Variants in MAPK10 observed in about 807,000 individuals in gnomAD.
MAPK10 encodes the protein mitogen-activated protein kinase 10, also known as JNK3 alpha protein kinase.
In MAPK10, 25 loss-of-function variants were observed where a neutral mutation model predicts 59.3. That is an observed-to-expected ratio of 0.42 (90% CI 0.31 to 0.59). The LOEUF (loss-of-function observed/expected upper bound fraction) is 0.59. Ranked by LOEUF, MAPK10 falls within the 20% of genes least tolerant of loss-of-function variation. MAPK10 has a pLI of 0.15. For missense variants in MAPK10, 351 were observed against 568.9 expected, an observed-to-expected ratio of 0.62 and a Z score of 3.90; for synonymous variants, 190 against 200.5, an observed-to-expected ratio of 0.95 and a Z score of 0.44.
intron 2 of MAPK10, among the ~76,000 whole-genome samples, chr4:86,295,974 G>C (rs1051628101): frequency 3.3e-5 from 5 of 151,116 alleles, no homozygotes; most frequent in Non-Finnish European, 7.4e-5. Flanking sequence ...TCAGGAGTTT[G>C]AGTCCGACCT....
chr4:86,191,553 C>CTTTTTTTTTTTTTTTTTT lies in MAPK10; in HGVS notation c.66+2765_66+2782dup, dbSNP rs35357476. On this transcript the variant is annotated intron_variant, in intron 3 of 13. Transcript: ENST00000641462. Reference sequence around the variant, plus strand: ...TCAGAGACTAGGATTACAACCCGTGCTTTTTTTTTTTTTTTTTTTTTTTTT... The same window carrying CTTTTTTTTTTTTTTTTTT: ...TCAGAGACTAGGATTACAACCCGTGCTTTTTTTTTTTTTTTTTTTTTTTTTTTTTTTTTTTTTTTTTTT... 16 of 30,410 alleles carry CTTTTTTTTTTTTTTTTTT rather than the reference C, an allele frequency of 5.3e-4. 5 individuals are homozygous for CTTTTTTTTTTTTTTTTTT. Among genetic ancestry groups the CTTTTTTTTTTTTTTTTTT allele is most frequent in the East Asian group, 6.1e-3 (2 of 330 alleles). 1.9% of individuals were successfully genotyped at this position (30,410 alleles called of 1,614,324 possible).
At position 86,031,366 on chromosome 4, in the gene MAPK10, A is replaced by G; in HGVS notation, c.1174+2T>C. 3 of 1,601,272 alleles carry G rather than the reference A, an allele frequency of 1.9e-6. No homozygotes were observed. In the South Asian group the frequency reaches 3.3e-5, roughly 18 times the overall value. On this transcript the variant is annotated splice_donor_variant, in intron 12 of 13. Transcript: ENST00000641462. LOFTEE classifies it high-confidence loss of function. ...GTATACTTTTTTAAGTAGTAGACTT[A>G]CCTTTCCATTCTTCAATTGTGTGTT...
At chr4:86,257,336 A>G (rs970857767) in intron 2 of MAPK10, among the ~76,000 whole-genome samples, 2 of 152,212 alleles carry the variant, frequency 1.3e-5, no homozygotes, top group African/African-American at 4.8e-5. Context: ...GATACACTGT[A>G]GCTTAATTTG....
At chr4:86,313,226 C>A (rs765113646) in intron 2 of MAPK10, among the ~76,000 whole-genome samples, 11 of 152,066 alleles carry the variant, frequency 7.2e-5, no homozygotes, top group Non-Finnish European at 1.5e-4. Context: ...AAACTCTAAT[C>A]TTTCCTTTGA....
rs1753325126 is a variant in MAPK10, at chr4:86,478,678, G to A, written c.-263+115232C>T. 2.0e-5 allele frequency among the ~76,000 whole-genome samples: 3 copies of A among 152,042 alleles called. No homozygotes were observed. The South Asian group carries it at 6.2e-4, about 32-fold the overall frequency. Reference sequence around the variant, plus strand: ...CCACATTATTCCTGATACCACACCTGAGCCCCATGACTATATCTCTCTGAT... The same window carrying A: ...CCACATTATTCCTGATACCACACCTAAGCCCCATGACTATATCTCTCTGAT... On this transcript the variant is annotated intron_variant, in intron 1 of 4. Coordinates refer to the MAPK10 transcript ENST00000502302.
chr4:86,218,106 T>C (rs1044667272), intron 2 of MAPK10, among the ~76,000 whole-genome samples: 1 of 152,180 alleles, frequency 6.6e-6, no homozygotes, highest in East Asian at 1.9e-4. Flanking sequence ...CTGAGGACTT[T>C]GTGAACAAAA....
At chr4:86,506,053 A>T (rs920507874) in intron 1 of MAPK10, among the ~76,000 whole-genome samples, 2 of 152,190 alleles carry the variant, frequency 1.3e-5, no homozygotes, top group African/African-American at 4.8e-5. Flanking sequence ...AAACATTTTT[A>T]AAGCACCTGG....
Position 86,186,062 on chromosome 4 carries a change from A to T in MAPK10, c.66+8274T>A, listed in dbSNP as rs78194060. 7.8e-4 allele frequency among the ~76,000 whole-genome samples: 119 copies of T among 152,270 alleles called. No homozygotes were observed. In the East Asian group the frequency reaches 0.02, roughly 26 times the overall value. On this transcript the variant is annotated intron_variant, in intron 3 of 13. Coordinates refer to ENST00000641462, the MANE Select transcript of MAPK10 (RefSeq NM_138982.4). The stretch of plus-strand genomic sequence containing the variant: ...TGGGAGCACTAGAAAGTGAGTATAA[A>T]TTTATTTAAAATTTAATCATCTATT...
intron 9 of MAPK10, among the ~76,000 whole-genome samples, chr4:86,076,259 C>A (rs987372588): frequency 3.9e-5 from 6 of 152,134 alleles, no homozygotes; most frequent in Admixed American, 2.0e-4. Context: ...GGCTCGCGCA[C>A]GGTGCGCGCA....
chr4:86,079,032 T>C (rs1456054173), intron 9 of MAPK10, among the ~76,000 whole-genome samples: 1 of 152,114 alleles, frequency 6.6e-6, no homozygotes, highest in Non-Finnish European at 1.5e-5. Flanking sequence ...TTTTAGGGTA[T>C]TTTTTATTTG....
chr4:86,418,464 C>G (rs1447489180), intron 1 of MAPK10, among the ~76,000 whole-genome samples: 1 of 152,060 alleles, frequency 6.6e-6, no homozygotes, highest in African/African-American at 2.4e-5. Context: ...CGAAATGCAC[C>G]AAAGCAATAA....
chr4:86,160,043 G>C (rs540150695), intron 3 of MAPK10, among the ~76,000 whole-genome samples: 1 of 152,028 alleles, frequency 6.6e-6, no homozygotes, highest in African/African-American at 2.4e-5. Flanking sequence ...TCTGAATTAA[G>C]CATAGCAAAA....
At chr4:86,487,473 T>C (rs1285092134) in intron 1 of MAPK10, among the ~76,000 whole-genome samples, 12 of 151,988 alleles carry the variant, frequency 7.9e-5, no homozygotes, top group Non-Finnish European at 4.4e-5. Flanking sequence ...CTCACACCTG[T>C]AATCCCAGCA....
intron 2 of MAPK10, among the ~76,000 whole-genome samples, chr4:86,252,134 C>T (rs1645964934): frequency 8.1e-6 from 1 of 123,522 alleles, no homozygotes; most frequent in Non-Finnish European, 1.6e-5. Flanking sequence ...CCTGTTCACT[C>T]TGATGGTAGT....
At chr4:86,264,901 TTTTTTTTTTG>T (rs1278965362) in intron 2 of MAPK10, among the ~76,000 whole-genome samples, 1 of 147,534 alleles carries the variant, frequency 6.8e-6, no homozygotes, top group African/African-American at 2.5e-5. Context: ...TTTTTTTTTT[TTTTTTTTTTG>T]TGGTGGGGTC....
At chr4:86,209,033 G>A (rs1296992121) in intron 2 of MAPK10, among the ~76,000 whole-genome samples, 2 of 152,038 alleles carry the variant, frequency 1.3e-5, no homozygotes, top group East Asian at 3.9e-4. Context: ...TGGTAAGGTT[G>A]AAGGTATGTG....
chr4:86,303,798 C>T (rs2095512739), intron 2 of MAPK10, among the ~76,000 whole-genome samples: 1 of 152,150 alleles, frequency 6.6e-6, no homozygotes, highest in Non-Finnish European at 1.5e-5. Context: ...CGCTACTGGA[C>T]AAAATTCATT....
At chr4:86,497,488 A>C (rs1564950935) in intron 1 of MAPK10, among the ~76,000 whole-genome samples, 1 of 152,296 alleles carries the variant, frequency 6.6e-6, no homozygotes, top group East Asian at 1.9e-4. Context: ...GTGCAGCCCT[A>C]TGAGGCATAT....
At chr4:86,532,803 C>G (rs2149092045) in intron 1 of MAPK10, among the ~76,000 whole-genome samples, 1 of 152,308 alleles carries the variant, frequency 6.6e-6, no homozygotes, top group South Asian at 2.1e-4. Context: ...TCCTGCCTGA[C>G]ATCTCCATCC....
Sources: gnomAD v4.1 joint callset for allele counts (sites outside exome capture counted in the v4.1 genomes callset) on GRCh38, gnomAD v4.1.1 for gene constraint, MANE v1.5 for transcripts, NCBI Gene and HGNC (gene_info 2026-07-23, HGNC 2026-07-21) for gene names.